Variants in MCU observed in about 807,000 individuals in gnomAD.
MCU encodes mitochondrial calcium uniporter.
In MCU, 12 loss-of-function variants were observed where a neutral mutation model predicts 45.2. The ratio of observed to expected loss-of-function variants is 0.27; its 90% confidence interval spans 0.17 to 0.43. The LOEUF is 0.43. Ranked by LOEUF, MCU falls within the 20% of genes least tolerant of loss-of-function variation. MCU has a pLI of 1.00. For synonymous variants in MCU, 160 were observed against 165.1 expected (o/e 0.97, Z 0.24); for missense variants, 324 against 436.7 (o/e 0.74, Z 2.30).
intron 1 of MCU, among the ~76,000 whole-genome samples, chr10:72,816,095 A>AGC (rs1467312041): frequency 6.6e-6 from 1 of 152,062 alleles, no homozygotes; most frequent in African/African-American, 2.4e-5. Flanking sequence ...CACTTGAAAT[A>AGC]GCGGGGCGGA....
chr10:72,796,372 G>C (rs771371481), intron 1 of MCU, among the ~76,000 whole-genome samples: 4 of 152,128 alleles, frequency 2.6e-5, no homozygotes, highest in Non-Finnish European at 5.9e-5. Flanking sequence ...AGTGAGCTAT[G>C]ATTGTATCAC....
At chr10:72,770,046 T>C (rs1241221201) in intron 1 of MCU, among the ~76,000 whole-genome samples, 4 of 152,228 alleles carry the variant, frequency 2.6e-5, no homozygotes, top group African/African-American at 9.6e-5. Context: ...TGTGGTTTTT[T>C]TTCTTTCTTA....
chr10:72,817,246 G>T (rs894177706), intron 1 of MCU, among the ~76,000 whole-genome samples: 3 of 152,288 alleles, frequency 2.0e-5, no homozygotes, highest in Non-Finnish European at 4.4e-5. Context: ...AGATATGTTT[G>T]TTTTTTACCC....
intron 1 of MCU, among the ~76,000 whole-genome samples, chr10:72,809,297 G>A (rs928277589): frequency 6.6e-6 from 1 of 152,172 alleles, no homozygotes; most frequent in Non-Finnish European, 1.5e-5. Context: ...AAACCACAAA[G>A]CTAATAAATG....
intron 1 of MCU, among the ~76,000 whole-genome samples, chr10:72,776,146 C>T (rs1843889699): frequency 6.7e-6 from 1 of 149,670 alleles, no homozygotes; most frequent in Non-Finnish European, 1.5e-5. Flanking sequence ...ACAACCTGGG[C>T]AACATGAGTG....
In MCU at chr10:72,808,393, T is replaced by C. The variant is rs1844487507; in HGVS notation, c.151-25966T>C. On this transcript the variant is annotated intron_variant, in intron 1 of 7. Transcript: ENST00000373053. ...TGATTGCAGAATCCAAAGAAATATT[T>C]CATAATTTTGACTCAAGAATGAAGT... Among the ~76,000 whole-genome samples the C allele has an allele frequency of 2.0e-5, 3 of 152,224 alleles. No homozygotes were observed. In the South Asian group the frequency reaches 6.2e-4, roughly 32 times the overall value.
intron 1 of MCU, among the ~76,000 whole-genome samples, chr10:72,714,358 T>TTTTTTTTTTTTTTTTC (rs1842933190): frequency 7.5e-6 from 1 of 133,178 alleles, no homozygotes. Context: ...TTTTTTTTTT[T>TTTTTTTTTTTTTTTTC]TTTTTTTTTT....
intron 1 of MCU, among the ~76,000 whole-genome samples, chr10:72,702,267 A>T (rs532695334): frequency 2.0e-5 from 3 of 152,066 alleles, no homozygotes; most frequent in Non-Finnish European, 4.4e-5. Flanking sequence ...AAAGAAAAAA[A>T]AAAGAAGAAG....
Position 72,871,561 on chromosome 10 carries a change from A to G in MCU, c.842A>G (p.Tyr281Cys). Reference protein sequence around the residue: ...TYGSAMAMYAYFVMTRQEYVY... With the variant: ...TYGSAMAMYACFVMTRQEYVY... ...GGAAGTGCCATGGCAATGTATGCATATTTTGTAATGACACGCCAGGTAAGA... is the reference window on the plus strand; with the variant it reads ...GGAAGTGCCATGGCAATGTATGCATGTTTTGTAATGACACGCCAGGTAAGA... Residue 281 changes from tyrosine (Y) to cysteine (C), a missense_variant, in exon 6 of 8, where the codon TAT (tyrosine) becomes TGT (cysteine). Physicochemically the swap from Tyr to Cys is radical, Grantham distance 194. This residue lies in a region of MCU where 76 missense variants were observed against 99.4 expected (regional missense o/e 0.76). Coordinates refer to ENST00000373053, the MANE Select transcript of MCU (RefSeq NM_138357.3). The G allele has an allele frequency of 6.2e-7, 1 of 1,613,928 alleles. No individual in the cohort carries two copies. The highest frequency in any genetic ancestry group is 8.5e-7 in the Non-Finnish European group (1 of 1,179,756).
chr10:72,742,885 G>T (rs191326117), intron 1 of MCU, among the ~76,000 whole-genome samples: 43 of 152,270 alleles, frequency 2.8e-4, no homozygotes, highest in Middle Eastern at 3.4e-3. Flanking sequence ...TTTCTAGGGG[G>T]TGCAATGCTA....
chr10:72,692,277 C>T lies in MCU; in HGVS notation c.126C>T (p.His42=), dbSNP rs1842632502. The change falls in exon 1 of 8, where the codon CAC becomes CAT. Residue 42 remains histidine (H), a synonymous_variant. Transcript: ENST00000373053. Reference sequence around the variant, plus strand: ...TCCCTGGGCTGGGCGTCAGCCGCCACCGGCAGCAGCAGCACCACCGGACGG... The same window carrying T: ...TCCCTGGGCTGGGCGTCAGCCGCCATCGGCAGCAGCAGCACCACCGGACGG... The part of the protein sequence containing the change: ...GCFPGLGVSR[H]RQQQHHRTVH... The T allele has an allele frequency of 2.4e-6, 3 of 1,227,150 alleles. No individual in the cohort carries two copies. In the African/African-American group the frequency reaches 4.7e-5, roughly 19 times the overall value. 76.0% of individuals were successfully genotyped at this position (1,227,150 alleles called of 1,614,324 possible).
chr10:72,850,870 G>A (rs1199285461), intron 2 of MCU, among the ~76,000 whole-genome samples: 1 of 152,112 alleles, frequency 6.6e-6, no homozygotes, highest in East Asian at 1.9e-4. Context: ...CAACCAAACA[G>A]CCACTTGATG....
intron 1 of MCU, among the ~76,000 whole-genome samples, chr10:72,811,258 G>A (rs1224916178): frequency 1.3e-5 from 2 of 152,188 alleles, no homozygotes; most frequent in East Asian, 3.8e-4. Flanking sequence ...TGTTGTTTGA[G>A]AAAAAGGTTA....
chr10:72,816,239 A>G (rs1334020516), intron 1 of MCU, among the ~76,000 whole-genome samples: 1 of 152,210 alleles, frequency 6.6e-6, no homozygotes, highest in Non-Finnish European at 1.5e-5. Context: ...AACACTCATT[A>G]ACAAGTCTAG....
chr10:72,862,514 T>C (rs1368401891), intron 4 of MCU, among the ~76,000 whole-genome samples: 1 of 152,122 alleles, frequency 6.6e-6, no homozygotes, highest in African/African-American at 2.4e-5. Flanking sequence ...TCCTCAGGCA[T>C]CAGTTAGATT....
chr10:72,703,244 G>A (rs1256427726), intron 1 of MCU, among the ~76,000 whole-genome samples: 1 of 152,168 alleles, frequency 6.6e-6, no homozygotes, highest in Non-Finnish European at 1.5e-5. Context: ...TTTAATTCTT[G>A]TGATACACTA....
chr10:72,786,619 G>A (rs1844075115), intron 1 of MCU, among the ~76,000 whole-genome samples: 1 of 151,972 alleles, frequency 6.6e-6, no homozygotes, highest in Non-Finnish European at 1.5e-5. Flanking sequence ...GGTGGCAGGC[G>A]CCTGTAATCC....
chr10:72,774,775 A>G (rs981045601), intron 1 of MCU, among the ~76,000 whole-genome samples: 6 of 152,190 alleles, frequency 3.9e-5, no homozygotes, highest in Admixed American at 1.3e-4. Flanking sequence ...TAGACTACCA[A>G]TCTAAGACTG....
chr10:72,859,120 G>T, intron 2 of MCU, 57 bp from the exon 3 acceptor site: 1 of 1,468,098 alleles, frequency 6.8e-7, no homozygotes, highest in South Asian at 1.4e-5. Flanking sequence ...GTAATAATGT[G>T]ACTTTAACTT....
Sources: allele counts gnomAD v4.1 joint callset (sites outside exome capture counted in the v4.1 genomes callset), GRCh38; gene constraint gnomAD v4.1.1; regional missense constraint gnomAD v4.1.1; transcripts MANE v1.5; gene names NCBI Gene and HGNC (gene_info 2026-07-23, HGNC 2026-07-21).